Variants in LYPD8 observed in about 807,000 individuals in gnomAD.
LYPD8 encodes LY6/PLAUR domain containing 8.
Under a neutral mutation model 1.7 loss-of-function variants are expected in LYPD8, and 8 were observed. The observed-to-expected ratio is 4.58, with a 90% CI of 2.69 to 8.27. LYPD8 has a LOEUF of 8.27. LYPD8 is among the 30% of genes most tolerant of loss of function. LYPD8 has a pLI of 0.00. For synonymous variants in LYPD8, 50 were observed against 43.6 expected (o/e 1.15, Z -0.58); for missense variants, 112 against 102.3 (o/e 1.09, Z -0.41).
At chr1:248,748,833 C>G (rs1051998017) in intron 4 of LYPD8, among the ~76,000 whole-genome samples, 1 of 152,160 alleles carries the variant, frequency 6.6e-6, no homozygotes, top group Non-Finnish European at 1.5e-5. Flanking sequence ...AAAAATTGAA[C>G]CTGAATCCAG....
At position 248,753,556 on chromosome 1, in the gene LYPD8, T is replaced by C. The variant is rs1426727353; in HGVS notation, c.-50+1683A>G. 6.0e-3 allele frequency among the ~76,000 whole-genome samples: 260 copies of C among 43,094 alleles called. 1 individual carries two copies. The highest frequency in any genetic ancestry group is 7.6e-3 in the East Asian group (8 of 1,048). 28.3% of individuals were successfully genotyped at this position (43,094 alleles called of 152,430 possible). On this transcript the variant is annotated intron_variant, in intron 2 of 6. Transcript: ENST00000590317. ...AACACACCACATCACACAAAACACA[T>C]CACACACACAACACACACCCCACAC...
chr1:248,755,590 G>A (rs1282418121), intron 1 of LYPD8, 115 bp downstream of exon 1: 1 of 152,336 alleles, frequency 6.6e-6, no homozygotes, highest in Non-Finnish European at 1.5e-5. Context: ...AAAGGAGCAA[G>A]AGCCGCAAGA....
intron 2 of LYPD8, among the ~76,000 whole-genome samples, 184 bp downstream of exon 2, chr1:248,755,055 C>A: frequency 6.6e-6 from 1 of 152,268 alleles, no homozygotes; most frequent in East Asian, 1.9e-4. Flanking sequence ...ATGGTGAAGA[C>A]CTGAAACTAG....
intron 6 of LYPD8, among the ~76,000 whole-genome samples, chr1:248,744,146 T>A (rs1303881438): frequency 2.6e-5 from 4 of 152,230 alleles, no homozygotes; most frequent in Non-Finnish European, 4.4e-5. Flanking sequence ...TGATGGCCAC[T>A]AATGTCCCTC....
In LYPD8 at chr1:248,739,546, C is replaced by A. The variant is rs1465622260; in HGVS notation, c.*65G>T. The stretch of plus-strand genomic sequence containing the variant: ...GCAGGGAAAGAGGGTGTCAGCACCG[C>A]AGGGGGTGCTCTGGACCTCAGAGAA... On this transcript the variant is annotated 3_prime_UTR_variant, in exon 7 of 7. Coordinates refer to ENST00000590317, the MANE Select transcript of LYPD8 (RefSeq NM_001085474.2). The surrounding 1 kb of genome is among the most constrained non-coding windows in gnomAD (Gnocchi z 4.3). 6 of 1,546,132 alleles carry A rather than the reference C, an allele frequency of 3.9e-6. No homozygotes were observed. Among genetic ancestry groups the A allele is most frequent in the Non-Finnish European group, 4.4e-6 (5 of 1,145,222 alleles).
intron 2 of LYPD8, among the ~76,000 whole-genome samples, chr1:248,754,093 A>T: frequency 6.8e-6 from 1 of 147,866 alleles, no homozygotes; most frequent in African/African-American, 2.5e-5. Flanking sequence ...TACACCACAT[A>T]CACAAATACC....
rs1553283024 is a variant in LYPD8 at position 248,739,625 on chromosome 1, C to T, written c.700G>A (p.Gly234Arg). ...LLALASLLLR[G>R]LLP The stretch of plus-strand genomic sequence containing the variant: ...GCCCCAGGACCTCAGGGCAGCAGTC[C>T]CCGAAGAAGGAGGCTGGCAAGGGCC... Residue 234 changes from glycine (G) to arginine (R), a missense_variant, in exon 7 of 7, where the codon GGA (glycine) becomes AGA (arginine). Coordinates refer to ENST00000590317, the MANE Select transcript of LYPD8 (RefSeq NM_001085474.2). The surrounding 1 kb of genome is among the most constrained non-coding windows in gnomAD (Gnocchi z 4.3). 6.4e-7 allele frequency: 1 copy of T among 1,551,508 alleles called. No homozygotes were observed. The highest frequency in any genetic ancestry group is 2.0e-5 in the Admixed American group (1 of 50,992).
Position 248,748,380 on chromosome 1 carries a change from G to A in LYPD8, c.246C>T (p.Ala82=). Residue 82 remains alanine (A), a synonymous_variant, in exon 5 of 7, where the codon GCC becomes GCT. Coordinates refer to ENST00000590317, the MANE Select transcript of LYPD8 (RefSeq NM_001085474.2). ...CTTCAGCAGACACGTGGACAGTGAA[G>A]GCTGTAATGTGTGTCTCCTCACTGC... The part of the protein sequence containing the change: ...ENCSEETHIT[A]FTVHVSAEEH... The A allele has an allele frequency of 2.3e-6, 1 of 444,202 alleles. No individual in the cohort carries two copies. Among genetic ancestry groups the A allele is most frequent in the East Asian group, 3.5e-5 (1 of 28,200 alleles). The allele number at this position is 444,202 out of a possible 1,614,324, so 27.5% of individuals were successfully genotyped here. A position where few individuals can be genotyped will look rare whatever the true frequency, so the allele number is the denominator to read the frequency against.
At chr1:248,740,143 C>T (rs1409977710) in intron 6 of LYPD8, among the ~76,000 whole-genome samples, 1 of 152,210 alleles carries the variant, frequency 6.6e-6, no homozygotes, top group Non-Finnish European at 1.5e-5. Context: ...AAGGTCAGAG[C>T]TGGACCTGGG....
At chr1:248,752,287 G>T (rs1036856457) in intron 2 of LYPD8, among the ~76,000 whole-genome samples, 3,641 of 151,904 alleles carry the variant, frequency 0.024, 155 homozygotes, top group African/African-American at 0.084. Context: ...GAGGCTATTA[G>T]CCCCACTCTA....
chr1:248,753,501 AACACAACACACACATCACACACCCC>A (rs1247793245), intron 2 of LYPD8, among the ~76,000 whole-genome samples: 3 of 100,660 alleles, frequency 3.0e-5, no homozygotes, highest in Non-Finnish European at 5.9e-5. Flanking sequence ...CACAACACAC[AACACAACACACACATCACACACCCC>A]ACACAACACA....
intron 2 of LYPD8, among the ~76,000 whole-genome samples, chr1:248,753,853 GAC>G (rs1182160356): frequency 1.7e-5 from 2 of 114,642 alleles, no homozygotes; most frequent in African/African-American, 3.5e-5. Context: ...CACATCACAT[GAC>G]ACATACACCA....
At chr1:248,754,997 GAGA>G (rs1359488290) in intron 2 of LYPD8, among the ~76,000 whole-genome samples, 4 of 152,122 alleles carry the variant, frequency 2.6e-5, no homozygotes, top group Non-Finnish European at 4.4e-5. Flanking sequence ...GAGATGAGAT[GAGA>G]AGGAGACCCC....
intron 6 of LYPD8, among the ~76,000 whole-genome samples, chr1:248,743,246 C>A (rs1662652139): frequency 6.6e-6 from 1 of 152,184 alleles, no homozygotes; most frequent in Non-Finnish European, 1.5e-5. Context: ...GGGCGGATCA[C>A]TTGAGTTCAG....
At chr1:248,754,102 C>G (rs1662886870) in intron 2 of LYPD8, among the ~76,000 whole-genome samples, 1 of 144,138 alleles carries the variant, frequency 6.9e-6, no homozygotes, top group Non-Finnish European at 1.5e-5. Context: ...TACACAAATA[C>G]CACACCACAC....
chr1:248,739,906 C>A lies in LYPD8; in HGVS notation c.476-57G>T. ...ACTCAGTCCTTTGTCCTTCCACCCA[C>A]GCCTGCTCTTAGTTCTTCACCTGCA... On this transcript the variant is annotated intron_variant, in intron 6 of 6. Coordinates refer to ENST00000590317, the MANE Select transcript of LYPD8 (RefSeq NM_001085474.2). This position sits in a 1 kb window ranked among gnomAD's most constrained non-coding sequence, Gnocchi z 4.3. 3 of 1,543,886 alleles carry A rather than the reference C, an allele frequency of 1.9e-6. No homozygotes were observed. The highest frequency in any genetic ancestry group is 1.2e-5 in the South Asian group (1 of 83,680).
Position 248,744,618 on chromosome 1 carries a change from C to CACAATGGGTAGCGTCAAGTGTGTATTTT in LYPD8, c.475+523_475+524insAAAATACACACTTGACGCTACCCATTGT, listed in dbSNP as rs1558207017. On this transcript the variant is annotated intron_variant, in intron 6 of 6. Transcript: ENST00000590317. ...AATGGGTAGCGTCAAATGTGGATCT[C>CACAATGGGTAGCGTCAAGTGTGTATTTT]ACAATGGGTAGTGTCAAATGTGTAT... Among the ~76,000 whole-genome samples the CACAATGGGTAGCGTCAAGTGTGTATTTT allele has an allele frequency of 2.0e-5, 2 of 97,670 alleles. 1 individual carries two copies. The highest frequency in any genetic ancestry group is 9.1e-4 in the East Asian group (2 of 2,200). 64.1% of individuals were successfully genotyped at this position (97,670 alleles called of 152,430 possible).
chr1:248,743,875 CAGA>C (rs1233330864), intron 6 of LYPD8, among the ~76,000 whole-genome samples: 1 of 152,246 alleles, frequency 6.6e-6, no homozygotes, highest in African/African-American at 2.4e-5. Context: ...AGCTACAAGA[CAGA>C]AGGAGCGCAT....
intron 6 of LYPD8, among the ~76,000 whole-genome samples, chr1:248,742,958 G>A: frequency 8.0e-6 from 1 of 125,526 alleles, no homozygotes; most frequent in African/African-American, 3.2e-5. Context: ...AGCCGGGGGA[G>A]ATTATGCTCT....
Sources: allele counts gnomAD v4.1 joint callset (sites outside exome capture counted in the v4.1 genomes callset), GRCh38; gene constraint gnomAD v4.1.1; non-coding constraint Gnocchi (gnomAD v3.1); transcripts MANE v1.5; gene names NCBI Gene and HGNC (gene_info 2026-07-23, HGNC 2026-07-21).